SNX2: variants seen among roughly 807,000 people sequenced by gnomAD.
The protein encoded by SNX2 is sorting nexin 2.
Under a neutral mutation model 69.9 loss-of-function variants are expected in SNX2, and 25 were observed. The observed-to-expected ratio is 0.36, with a 90% CI of 0.26 to 0.50. The LOEUF is 0.50. SNX2 is among the 20% of genes least tolerant of loss of function. The pLI is 0.97. For missense variants in SNX2, 551 were observed against 613.3 expected (o/e 0.90, Z 1.07); for synonymous variants, 229 against 200.4 (o/e 1.14, Z -1.20).
intron 1 of SNX2, among the ~76,000 whole-genome samples, chr5:122,788,715 T>A (rs1753144344): frequency 6.6e-6 from 1 of 151,896 alleles, no homozygotes; most frequent in East Asian, 1.9e-4. Flanking sequence ...TTTCAGGTAA[T>A]TTTTTTTTCA....
intron 1 of SNX2, chr5:122,775,430 C>G: frequency 7.9e-7 from 1 of 1,262,126 alleles, no homozygotes; most frequent in Non-Finnish European, 1.0e-6. Flanking sequence ...GGGTGCCGAC[C>G]TAATCCTCAG....
intron 1 of SNX2, among the ~76,000 whole-genome samples, chr5:122,781,481 C>G (rs1239100928): frequency 1.3e-5 from 2 of 152,130 alleles, no homozygotes; most frequent in South Asian, 2.1e-4. Context: ...TATTTACAGG[C>G]TTTTGTGTGA....
intron 1 of SNX2, among the ~76,000 whole-genome samples, chr5:122,779,769 TG>T (rs1246062385): frequency 1.3e-5 from 2 of 152,164 alleles, no homozygotes; most frequent in Admixed American, 6.5e-5. Context: ...GGGGTACATG[TG>T]GAGGATTCGC....
intron 6 of SNX2, among the ~76,000 whole-genome samples, chr5:122,805,333 C>T (rs1442666137): frequency 6.6e-6 from 1 of 151,378 alleles, no homozygotes; most frequent in African/African-American, 2.4e-5. Context: ...ATTTTTTCCC[C>T]CAAGCTGGTC....
intron 2 of SNX2, among the ~76,000 whole-genome samples, chr5:122,799,052 AT>A (rs1277045133): frequency 6.6e-6 from 1 of 152,146 alleles, no homozygotes; most frequent in African/African-American, 2.4e-5. Context: ...GCACAATGTT[AT>A]GTAGCCTGTA....
intron 1 of SNX2, among the ~76,000 whole-genome samples, chr5:122,791,921 T>C (rs534676509): frequency 1.3e-5 from 2 of 152,348 alleles, no homozygotes; most frequent in African/African-American, 4.8e-5. Context: ...ATAATACTTA[T>C]AATGTGGTAA....
At chr5:122,783,039 C>G (rs921520299) in intron 1 of SNX2, among the ~76,000 whole-genome samples, 1 of 151,666 alleles carries the variant, frequency 6.6e-6, no homozygotes, top group Non-Finnish European at 1.5e-5. Context: ...CCAGTTCAAG[C>G]GATTCTCCTG....
At chr5:122,789,353 G>A (rs1753163072) in intron 1 of SNX2, among the ~76,000 whole-genome samples, 1 of 151,896 alleles carries the variant, frequency 6.6e-6, no homozygotes, top group Non-Finnish European at 1.5e-5. Flanking sequence ...ACAGAATTAG[G>A]GGATCCCCTT....
chr5:122,777,228 A>G (rs976568978), intron 1 of SNX2, among the ~76,000 whole-genome samples: 14 of 152,206 alleles, frequency 9.2e-5, no homozygotes, highest in African/African-American at 3.1e-4. Context: ...TGGAAACTTC[A>G]TGTTTAATAA....
chr5:122,799,487 C>T (rs3765076), intron 2 of SNX2, among the ~76,000 whole-genome samples: 1 of 152,046 alleles, frequency 6.6e-6, no homozygotes, highest in Non-Finnish European at 1.5e-5. Context: ...AGGATTCTTT[C>T]TAAAATCAAC....
At chr5:122,804,831 CT>C (rs984241786) in intron 6 of SNX2, among the ~76,000 whole-genome samples, 2 of 152,088 alleles carry the variant, frequency 1.3e-5, no homozygotes, top group African/African-American at 4.8e-5. Flanking sequence ...TTACCTTTTT[CT>C]TTTTTTTCCT....
At chr5:122,783,023 A>G (rs1448615492) in intron 1 of SNX2, among the ~76,000 whole-genome samples, 8 of 146,094 alleles carry the variant, frequency 5.5e-5, no homozygotes, top group Admixed American at 2.1e-4. Flanking sequence ...TGCAACCTCC[A>G]CCTCCCCAGT....
At chr5:122,809,715 T>C (rs1171206496) in intron 7 of SNX2, among the ~76,000 whole-genome samples, 1 of 152,202 alleles carries the variant, frequency 6.6e-6, no homozygotes, top group Admixed American at 6.5e-5. Flanking sequence ...TTTTTTAAAC[T>C]ATTTCAAGGC....
At chr5:122,809,077 A>G (rs991155601) in intron 7 of SNX2, among the ~76,000 whole-genome samples, 7 of 152,142 alleles carry the variant, frequency 4.6e-5, no homozygotes, top group African/African-American at 1.4e-4. Flanking sequence ...GAAAAAAATA[A>G]TTACATCTAT....
At chr5:122,817,051 G>T in intron 9 of SNX2, 23 bp downstream of exon 9, 1 of 1,507,514 alleles carries the variant, frequency 6.6e-7, no homozygotes, top group South Asian at 1.1e-5. Context: ...TTTTCGGCTT[G>T]AATAATGAGA....
intron 1 of SNX2, among the ~76,000 whole-genome samples, chr5:122,789,035 G>C (rs188575527): frequency 1.5e-3 from 222 of 152,232 alleles, no homozygotes; most frequent in Admixed American, 2.5e-3. Context: ...TCTGCATCCT[G>C]TTATAATCCT....
chr5:122,803,905 A>C (rs1753570917), intron 6 of SNX2: 1 of 203,022 alleles, frequency 4.9e-6, no homozygotes, highest in African/African-American at 2.3e-5. Context: ...TAGGGAGGCC[A>C]GGGTAGGAAG....
At chr5:122,808,397 C>T (rs1381504298) in intron 7 of SNX2, 42 bp downstream of exon 7, 2 of 1,346,864 alleles carry the variant, frequency 1.5e-6, no homozygotes, top group South Asian at 1.3e-5. Flanking sequence ...CATGTTTGTA[C>T]CTTAATATAA....
chr5:122,826,066 G>A lies in SNX2; in HGVS notation c.1229G>A (p.Arg410Gln), dbSNP rs370224428. 1.9e-6 allele frequency: 3 copies of A among 1,612,676 alleles called. No homozygotes were observed. The highest frequency in any genetic ancestry group is 2.5e-6 in the Non-Finnish European group (3 of 1,179,228). Residue 410 changes from arginine to glutamine, a missense_variant, in exon 12 of 15, where the codon CGA (arginine) becomes CAA (glutamine). Transcript: ENST00000379516. The stretch of plus-strand genomic sequence containing the variant: ...CACTTATAGGGTGTGTTTGACCATC[G>A]AATGAAGTGCTGGCAGAAATGGGAA... ...IAAVKGVFDH[R>Q]MKCWQKWEDA... is the part of the protein sequence containing the mutation.
Sources: allele counts gnomAD v4.1 joint callset (sites outside exome capture counted in the v4.1 genomes callset), GRCh38; gene constraint gnomAD v4.1.1; transcripts MANE v1.5; gene names NCBI Gene and HGNC (gene_info 2026-07-23, HGNC 2026-07-21).